The following BBS9 variants were observed in gnomAD, a reference collection of about 807,000 sequenced individuals.
The protein encoded by BBS9 is Bardet-Biedl syndrome 9, also known as protein PTHB1.
BBS9 carries 89 observed loss-of-function variants against 117.7 expected under a neutral mutation model. The ratio of observed to expected loss-of-function variants is 0.76; its 90% confidence interval spans 0.64 to 0.90. The LOEUF (loss-of-function observed/expected upper bound fraction) is 0.90. Among genes scored for constraint, BBS9 ranks in the 40% least tolerant of loss-of-function variants. The pLI, the probability that BBS9 is intolerant of heterozygous loss-of-function variation, is 0.00. For synonymous variants in BBS9, 379 were observed against 370.9 expected (o/e 1.02, Z -0.25); for missense variants, 982 against 1,042.2 (o/e 0.94, Z 0.80).
At chr7:33,520,965 T>A (rs1258697797) in intron 20 of BBS9, among the ~76,000 whole-genome samples, 1 of 152,210 alleles carries the variant, frequency 6.6e-6, no homozygotes, top group Non-Finnish European at 1.5e-5. Flanking sequence ...TCCCCTGGAT[T>A]TGCATTATCA....
chr7:33,563,834 T>G (rs954722756), intron 21 of BBS9, among the ~76,000 whole-genome samples: 1 of 152,178 alleles, frequency 6.6e-6, no homozygotes, highest in Non-Finnish European at 1.5e-5. Context: ...TAAAACAAAG[T>G]CATGAGATGC....
intron 21 of BBS9, among the ~76,000 whole-genome samples, chr7:33,622,336 G>A (rs1284542892): frequency 1.3e-5 from 2 of 152,236 alleles, no homozygotes; most frequent in Non-Finnish European, 2.9e-5. Flanking sequence ...TAGTTTGTGG[G>A]GTTCAGATGA....
chr7:33,389,705 A>T, intron 19 of BBS9, among the ~76,000 whole-genome samples: 1 of 151,580 alleles, frequency 6.6e-6, no homozygotes, highest in Non-Finnish European at 1.5e-5. Context: ...AAAAAAAAAA[A>T]AAAAAAAAAA....
At chr7:33,567,695 A>G (rs979771668) in intron 21 of BBS9, among the ~76,000 whole-genome samples, 7 of 152,106 alleles carry the variant, frequency 4.6e-5, no homozygotes, top group Admixed American at 3.3e-4. Context: ...CAAGCTCTAG[A>G]TCCATACATC....
chr7:33,515,822 C>T (rs544029790), intron 20 of BBS9, among the ~76,000 whole-genome samples: 43 of 152,288 alleles, frequency 2.8e-4, no homozygotes, highest in South Asian at 8.3e-4. Context: ...TTCAGCTTAG[C>T]TTTTGCTTTG....
At position 33,377,391 on chromosome 7, in the gene BBS9, G is replaced by T. The variant is rs372233450; in HGVS notation, c.1790-6275G>T. On this transcript the variant is annotated intron_variant, in intron 17 of 22. Transcript: ENST00000242067. Reference sequence around the variant, plus strand: ...TCTGTTGGTCGATTTGTCTGGTTTTGTACCAGTATCATGCTGTTTTGTTTA... The same window carrying T: ...TCTGTTGGTCGATTTGTCTGGTTTTTTACCAGTATCATGCTGTTTTGTTTA... Among the ~76,000 whole-genome samples, 223 of 152,276 alleles carry T rather than the reference G, an allele frequency of 1.5e-3. 1 individual carries two copies. Among genetic ancestry groups the T allele is most frequent in the African/African-American group, 4.9e-3 (204 of 41,568 alleles).
chr7:33,133,832 C>G (rs1271169888), intron 1 of BBS9, among the ~76,000 whole-genome samples: 1 of 152,076 alleles, frequency 6.6e-6, no homozygotes, highest in African/African-American at 2.4e-5. Flanking sequence ...TGTCAGATTG[C>G]TGGGTCATAT....
chr7:33,213,151 C>G (rs1011468306), intron 5 of BBS9, among the ~76,000 whole-genome samples: 5 of 152,300 alleles, frequency 3.3e-5, no homozygotes, highest in Middle Eastern at 3.4e-3. Context: ...AGAAATTTGC[C>G]TGATGTTCAA....
chr7:33,177,382 C>T (rs1797475081), intron 4 of BBS9, 96 bp from the exon 5 acceptor site: 7 of 821,206 alleles, frequency 8.5e-6, no homozygotes, highest in Non-Finnish European at 1.4e-5. Flanking sequence ...ATTATAATTT[C>T]CCTAAAATTA....
intron 9 of BBS9, among the ~76,000 whole-genome samples, chr7:33,281,232 G>A (rs1018380916): frequency 3.0e-4 from 45 of 150,860 alleles, no homozygotes; most frequent in African/African-American, 9.7e-4. Flanking sequence ...TGTTTTTTTT[G>A]GTGAGTTAAA....
At chr7:33,160,907 ACAT>A (rs935877828) in intron 4 of BBS9, among the ~76,000 whole-genome samples, 5 of 152,294 alleles carry the variant, frequency 3.3e-5, no homozygotes, top group African/African-American at 1.2e-4. Context: ...TAATGTTATA[ACAT>A]CAGCCCTCTT....
intron 2 of BBS9, among the ~76,000 whole-genome samples, chr7:33,152,153 G>T (rs927093563): frequency 6.6e-6 from 1 of 152,182 alleles, no homozygotes; most frequent in African/African-American, 2.4e-5. Flanking sequence ...TCCAAATCAG[G>T]TCACATTCAG....
chr7:33,444,496 G>A (rs557072528), intron 19 of BBS9, among the ~76,000 whole-genome samples: 2 of 152,134 alleles, frequency 1.3e-5, no homozygotes, highest in Admixed American at 6.6e-5. Context: ...TACTGCTAAG[G>A]ACTTTAATTG....
chr7:33,631,572 G>A (rs1315225147), intron 21 of BBS9, among the ~76,000 whole-genome samples: 2 of 152,220 alleles, frequency 1.3e-5, no homozygotes, highest in Non-Finnish European at 2.9e-5. Context: ...TTGGTTTGCT[G>A]AGCATGCATG....
At chr7:33,394,498 A>G (rs1827617587) in intron 19 of BBS9, among the ~76,000 whole-genome samples, 1 of 152,174 alleles carries the variant, frequency 6.6e-6, no homozygotes, top group Admixed American at 6.6e-5. Context: ...ATAAACCCCC[A>G]TGACACAAGT....
chr7:33,520,040 G>A (rs1305091853), intron 20 of BBS9, among the ~76,000 whole-genome samples: 1 of 142,228 alleles, frequency 7.0e-6, no homozygotes, highest in Non-Finnish European at 1.5e-5. Context: ...ATGGAGTCTT[G>A]CTCTGTTGCC....
intron 21 of BBS9, among the ~76,000 whole-genome samples, chr7:33,558,895 G>T (rs190033548): frequency 6.6e-6 from 1 of 152,304 alleles, no homozygotes; most frequent in Admixed American, 6.5e-5. Context: ...TTTTTAAAAA[G>T]ACTCCTCACT....
At chr7:33,268,754 A>C (rs1351204979) in intron 7 of BBS9, among the ~76,000 whole-genome samples, 1 of 152,128 alleles carries the variant, frequency 6.6e-6, no homozygotes, top group East Asian at 1.9e-4. Context: ...GTACCTGGTA[A>C]ATTGAAAGTA....
intron 19 of BBS9, among the ~76,000 whole-genome samples, chr7:33,405,729 C>T (rs1829819524): frequency 6.6e-6 from 1 of 151,980 alleles, no homozygotes; most frequent in Non-Finnish European, 1.5e-5. Context: ...TTTGATTCTT[C>T]TCTCTTTTCT....
Sources: allele counts gnomAD v4.1 joint callset (sites outside exome capture counted in the v4.1 genomes callset), GRCh38; gene constraint gnomAD v4.1.1; transcripts MANE v1.5; gene names NCBI Gene and HGNC (gene_info 2026-07-23, HGNC 2026-07-21).